Variants in PRDM11 observed in about 807,000 individuals in gnomAD.
PRDM11 encodes PR/SET domain 11, also known as PR domain-containing protein 11.
Under a neutral mutation model 97.8 loss-of-function variants are expected in PRDM11, and 20 were observed. That is an observed-to-expected ratio of 0.20 (90% confidence interval 0.14 to 0.30). The LOEUF (loss-of-function observed/expected upper bound fraction) is 0.30, where lower values mean the gene tolerates loss of function less well. Among genes scored for constraint, PRDM11 ranks in the 10% least tolerant of loss-of-function variants. The pLI is 1.00. For missense variants in PRDM11, 1,139 were observed against 1,555.2 expected (o/e 0.73, Z 4.50); for synonymous variants, 599 against 637.7 (o/e 0.94, Z 0.91).
intron 4 of PRDM11, among the ~76,000 whole-genome samples, chr11:45,199,178 C>G (rs1273914540): frequency 6.6e-6 from 1 of 152,196 alleles, no homozygotes. Context: ...ATGAGCATCT[C>G]TCAGTCTTCA....
At chr11:45,145,905 G>A (rs568634593), upstream of PRDM11, among the ~76,000 whole-genome samples, 68 of 152,204 alleles carry the variant, frequency 4.5e-4, no homozygotes, top group African/African-American at 1.6e-3. Flanking sequence ...TCTCTGTGAT[G>A]TCGAATCCCA....
intron 5 of PRDM11, among the ~76,000 whole-genome samples, chr11:45,215,388 C>CA (rs1445670964): frequency 6.6e-6 from 1 of 152,172 alleles, no homozygotes; most frequent in Non-Finnish European, 1.5e-5. Context: ...AGTTCTTGGC[C>CA]AAAAAGCATG....
At chr11:45,178,618 G>A (rs1170908840) in intron 1 of PRDM11, among the ~76,000 whole-genome samples, 1 of 152,242 alleles carries the variant, frequency 6.6e-6, no homozygotes, top group African/African-American at 2.4e-5. Context: ...GGACACATCA[G>A]AGGGACCAGT....
intron 1 of PRDM11, among the ~76,000 whole-genome samples, chr11:45,112,311 A>G (rs1161234009): frequency 6.6e-6 from 1 of 152,238 alleles, no homozygotes; most frequent in Non-Finnish European, 1.5e-5. Context: ...CATGGTGTAT[A>G]TATAACACAT....
intron 1 of PRDM11, among the ~76,000 whole-genome samples, chr11:45,108,626 C>T (rs1209135997): frequency 1.3e-5 from 2 of 152,144 alleles, no homozygotes; most frequent in Non-Finnish European, 2.9e-5. Flanking sequence ...GCCTCACTCC[C>T]GAGTGAGGAC....
At chr11:45,105,213 A>G (rs533797281) in intron 1 of PRDM11, among the ~76,000 whole-genome samples, 2 of 152,324 alleles carry the variant, frequency 1.3e-5, no homozygotes, top group Admixed American at 6.5e-5. Flanking sequence ...ATCCCAGTCA[A>G]CTGTCCTCAT....
chr11:45,153,811 G>T (rs1851720718), intron 1 of PRDM11, among the ~76,000 whole-genome samples: 1 of 152,110 alleles, frequency 6.6e-6, no homozygotes. Context: ...TATCTCTGGG[G>T]CAGTAAACAC....
At chr11:45,163,488 T>TC (rs11038337) in intron 1 of PRDM11, among the ~76,000 whole-genome samples, 24,668 of 149,660 alleles carry the variant, frequency 0.16, 2,413 homozygotes, top group African/African-American at 0.27. Context: ...TGCTTGAGGA[T>TC]GGGGGGGGGT....
In PRDM11 at chr11:45,227,695, C is replaced by T. The variant is rs985139795; in HGVS notation, c.3070C>T (p.Arg1024Trp). ...CCTGGAGGCCATCCCGACCTTTTCC[C>T]GGGATGTCTGTAGGGAAGGGCTGGA... ...DHLEAIPTFS[R>W]DVCREGLDPR... The change falls in exon 8 of 8, where the codon CGG becomes TGG. Residue 1024 changes from arginine (R) to tryptophan (W), a missense_variant. Around this residue, in one of 2 missense-constraint regions of PRDM11, gnomAD observed 710 missense variants for 1,044.9 expected, o/e 0.68. Transcript: ENST00000683152. The surrounding 1 kb of genome is among the most constrained non-coding windows in gnomAD (Gnocchi z 8.0). 27 of 1,533,758 alleles carry T rather than the reference C, an allele frequency of 1.8e-5. No homozygotes were observed. Among genetic ancestry groups the T allele is most frequent in the South Asian group, 4.8e-5 (4 of 83,964 alleles).
At chr11:45,174,912 T>C (rs543974198) in intron 1 of PRDM11, among the ~76,000 whole-genome samples, 2 of 152,338 alleles carry the variant, frequency 1.3e-5, no homozygotes, top group African/African-American at 4.8e-5. Flanking sequence ...ACCTGTGTAG[T>C]GTGGGAAATT....
Position 45,106,535 on chromosome 11 carries a change from G to A in PRDM11, c.96+10634G>A, listed in dbSNP as rs78365958. 2.4e-3 allele frequency among the ~76,000 whole-genome samples: 364 copies of A among 152,318 alleles called. 2 individuals carry two copies. The highest frequency in any genetic ancestry group is 8.4e-3 in the African/African-American group (350 of 41,568). On this transcript the variant is annotated intron_variant, in intron 1 of 6. Coordinates refer to the PRDM11 transcript ENST00000530656. ...TTATAGCCATGGATTCTGTGGGTCA[G>A]AAATTTGGAAAGGGCATCATGGAGA...
chr11:45,209,476 G>A (rs1181592769), intron 5 of PRDM11, among the ~76,000 whole-genome samples: 3 of 151,998 alleles, frequency 2.0e-5, no homozygotes, highest in Admixed American at 2.0e-4. Context: ...ATTCATTCTC[G>A]AATATTTACT....
chr11:45,188,979 G>A lies in PRDM11; in HGVS notation c.486+5856G>A, dbSNP rs185832608. Among the ~76,000 whole-genome samples the A allele has an allele frequency of 5.3e-5, 8 of 152,284 alleles. No homozygotes were observed. In the East Asian group the frequency reaches 9.7e-4, roughly 18 times the overall value. On this transcript the variant is annotated intron_variant, in intron 4 of 7. Coordinates refer to ENST00000683152, the MANE Select transcript of PRDM11 (RefSeq NM_001384648.1). ...TGCAGTGGTACGATCTCAGCTCACC[G>A]CAACCTCTGCCTCCTGGGTTCAAGC... is the stretch of plus-strand genomic sequence containing the variant.
chr11:45,125,951 C>T (rs1852560080), intron 1 of PRDM11, among the ~76,000 whole-genome samples: 1 of 152,176 alleles, frequency 6.6e-6, no homozygotes, highest in South Asian at 2.1e-4. Context: ...GTTAAAGTCT[C>T]CCATTATTAT....
intron 1 of PRDM11, among the ~76,000 whole-genome samples, chr11:45,154,969 A>T (rs1267464271): frequency 6.6e-6 from 1 of 152,154 alleles, no homozygotes. Flanking sequence ...CCTGCTTCCC[A>T]AACAGAGAGA....
chr11:45,159,961 T>C (rs1211991737), intron 1 of PRDM11, among the ~76,000 whole-genome samples: 1 of 151,996 alleles, frequency 6.6e-6, no homozygotes, highest in Admixed American at 6.5e-5. Flanking sequence ...CTCTGAAGAG[T>C]TGGCTTGTGC....
At chr11:45,146,032 T>C (rs1851499961), upstream of PRDM11, among the ~76,000 whole-genome samples, 1 of 152,190 alleles carries the variant, frequency 6.6e-6, no homozygotes, top group African/African-American at 2.4e-5. Flanking sequence ...CTGTAACATA[T>C]TTTGACTTGA....
intron 1 of PRDM11, 60 bp from the exon 2 acceptor site, chr11:45,181,701 C>T: frequency 6.8e-7 from 1 of 1,470,448 alleles, no homozygotes; most frequent in Non-Finnish European, 9.4e-7. Flanking sequence ...CCGCCGCTCA[C>T]TCCTCTTCCC....
At chr11:45,155,316 C>G (rs1306409516) in intron 1 of PRDM11, among the ~76,000 whole-genome samples, 1 of 152,174 alleles carries the variant, frequency 6.6e-6, no homozygotes, top group Non-Finnish European at 1.5e-5. Flanking sequence ...CCACGATGGC[C>G]AAGGGGCATG....
Sources: gnomAD v4.1 joint callset for allele counts (sites outside exome capture counted in the v4.1 genomes callset) on GRCh38, gnomAD v4.1.1 for gene constraint, gnomAD v4.1.1 regional missense constraint, Gnocchi (gnomAD v3.1) non-coding constraint, MANE v1.5 for transcripts, NCBI Gene and HGNC (gene_info 2026-07-23, HGNC 2026-07-21) for gene names.